Variants in ABCC5 observed in about 807,000 individuals in gnomAD.
The protein encoded by ABCC5 is ATP binding cassette subfamily C member 5.
Under a neutral mutation model 160.9 loss-of-function variants are expected in ABCC5, and 61 were observed. That is an observed-to-expected ratio of 0.38 (90% CI 0.31 to 0.47). The LOEUF (loss-of-function observed/expected upper bound fraction) is 0.47. ABCC5 is among the 20% of genes least tolerant of loss of function. The probability of loss-of-function intolerance (pLI) is 0.99; values close to 1 mark genes in which losing one functional copy is unlikely to be tolerated. For synonymous variants in ABCC5, 666 were observed against 700.6 expected, an observed-to-expected ratio of 0.95 and a Z score of 0.78; for missense variants, 1,308 against 1,813.3, an observed-to-expected ratio of 0.72 and a Z score of 5.06.
intron 11 of ABCC5, among the ~76,000 whole-genome samples, chr3:183,968,553 A>G (rs1717440481): frequency 6.6e-6 from 1 of 152,222 alleles, no homozygotes; most frequent in Non-Finnish European, 1.5e-5. Context: ...CATGCAAAAC[A>G]TTTCCAAAAA....
chr3:183,922,267 G>T (rs1712073691), intron 29 of ABCC5, among the ~76,000 whole-genome samples: 1 of 152,316 alleles, frequency 6.6e-6, no homozygotes, highest in Non-Finnish European at 1.5e-5. Flanking sequence ...AGCTACTGGG[G>T]AGTCTGAGGC....
chr3:184,004,660 C>T (rs543414465), intron 2 of ABCC5, among the ~76,000 whole-genome samples: 4 of 152,206 alleles, frequency 2.6e-5, no homozygotes, highest in South Asian at 4.2e-4. Flanking sequence ...TGCTGATCAC[C>T]GTGAGAAGCA....
At chr3:184,004,152 T>C (rs1002731756) in intron 2 of ABCC5, among the ~76,000 whole-genome samples, 19 of 150,866 alleles carry the variant, frequency 1.3e-4, no homozygotes, top group African/African-American at 4.6e-4. Context: ...ATTTAGAGAG[T>C]TGTGAATATT....
intron 2 of ABCC5, among the ~76,000 whole-genome samples, chr3:183,994,086 C>T (rs1720032187): frequency 6.6e-6 from 1 of 151,756 alleles, no homozygotes; most frequent in Admixed American, 6.6e-5. Context: ...GCCTCAGCCT[C>T]CCAAGTAGCT....
At chr3:184,014,879 T>G (rs940505992) in intron 1 of ABCC5, among the ~76,000 whole-genome samples, 2 of 152,160 alleles carry the variant, frequency 1.3e-5, no homozygotes, top group Non-Finnish European at 2.9e-5. Context: ...TTTTACTAAA[T>G]AAAAACTTAC....
chr3:183,939,847 G>C (rs995767925), intron 25 of ABCC5, among the ~76,000 whole-genome samples: 1 of 152,108 alleles, frequency 6.6e-6, no homozygotes, highest in African/African-American at 2.4e-5. Context: ...CCTGGTTCTT[G>C]ACCCTCCTAC....
At chr3:183,983,692 G>C in intron 5 of ABCC5, 1 of 976,736 alleles carries the variant, frequency 1.0e-6, no homozygotes, top group Non-Finnish European at 1.2e-6. Context: ...CTGAGGTCCT[G>C]CAACGCCGGA....
chr3:184,009,160 C>A (rs1721482078), intron 2 of ABCC5, among the ~76,000 whole-genome samples: 1 of 152,274 alleles, frequency 6.6e-6, no homozygotes, highest in Non-Finnish European at 1.5e-5. Flanking sequence ...GCACCAGCAG[C>A]ACAGGTCTCC....
At chr3:183,958,417 C>A (rs955301621) in intron 17 of ABCC5, among the ~76,000 whole-genome samples, 2 of 152,150 alleles carry the variant, frequency 1.3e-5, no homozygotes, top group African/African-American at 2.4e-5. Flanking sequence ...TACAGAAGAA[C>A]ATATGTTTGC....
chr3:183,936,556 A>G (rs1713739304), intron 26 of ABCC5, among the ~76,000 whole-genome samples: 1 of 151,152 alleles, frequency 6.6e-6, no homozygotes, highest in African/African-American at 2.4e-5. Flanking sequence ...CACCCTGGCT[A>G]CAGTGCAGTG....
In ABCC5 at chr3:183,920,187, C is replaced by T. The variant is rs532761265; in HGVS notation, c.*1113G>A. On this transcript the variant is annotated 3_prime_UTR_variant, in exon 30 of 30. Transcript: ENST00000334444. This position sits in a 1 kb window ranked among gnomAD's most constrained non-coding sequence, Gnocchi z 4.1. ...TCTCTTTACAGTACAAAAACTTCTA[C>T]GCCAGTGTGAGACACTGATTAGCAA... 3 of 152,652 alleles carry T rather than the reference C, an allele frequency of 2.0e-5. No homozygotes were observed. The highest frequency in any genetic ancestry group is 2.9e-5 in the Non-Finnish European group (2 of 68,068). The allele number at this position is 152,652 out of a possible 1,614,324, so 9.5% of individuals were successfully genotyped here.
chr3:183,957,991 C>T (rs1716352124), intron 17 of ABCC5, among the ~76,000 whole-genome samples: 1 of 105,190 alleles, frequency 9.5e-6, no homozygotes, highest in Non-Finnish European at 2.1e-5. Context: ...TACATCACAT[C>T]GGTTACATGC....
chr3:183,933,423 G>C (rs1355319316), intron 26 of ABCC5, among the ~76,000 whole-genome samples: 2 of 152,136 alleles, frequency 1.3e-5, no homozygotes, highest in Non-Finnish European at 2.9e-5. Flanking sequence ...GCGGGGGATA[G>C]GACAGAGGCC....
intron 2 of ABCC5, among the ~76,000 whole-genome samples, chr3:184,000,270 G>C (rs912351177): frequency 1.3e-5 from 2 of 151,818 alleles, no homozygotes; most frequent in African/African-American, 4.8e-5. Context: ...CTTGAGCCAG[G>C]ACCATCGGGC....
chr3:183,953,358 A>AC, intron 17 of ABCC5, 88 bp from the exon 18 acceptor site: 5 of 1,224,300 alleles, frequency 4.1e-6, no homozygotes, highest in Non-Finnish European at 5.6e-6. Context: ...GAATCGGACA[A>AC]CCGGCAGCTT....
At chr3:183,983,833 C>A in intron 5 of ABCC5, 6 of 985,420 alleles carry the variant, frequency 6.1e-6, no homozygotes, top group Non-Finnish European at 7.2e-6. Flanking sequence ...CACTGTACAG[C>A]AGGTGAAGCA....
chr3:183,983,300 T>C (rs755769007), intron 5 of ABCC5: 30 of 427,694 alleles, frequency 7.0e-5, no homozygotes, highest in Non-Finnish European at 1.2e-4. Flanking sequence ...TCTAAACACA[T>C]GGTCATTCAA....
rs41266247 is a variant in ABCC5, at chr3:183,988,059, C to T, written c.444-142G>A. On this transcript the variant is annotated intron_variant, in intron 4 of 29. Coordinates refer to ENST00000334444, the MANE Select transcript of ABCC5 (RefSeq NM_005688.4). This position sits in a 1 kb window ranked among gnomAD's most constrained non-coding sequence, Gnocchi z 4.4. ...TTTAAAATTATGTACATAGTCTTCA[C>T]CTTCTGGGAAAAAATACCCTTCCTA... 2.2e-5 allele frequency: 20 copies of T among 896,490 alleles called. No individual in the cohort carries two copies. Among genetic ancestry groups the T allele is most frequent in the Non-Finnish European group, 3.2e-5 (19 of 594,178 alleles). The allele number at this position is 896,490 out of a possible 1,614,324, so 55.5% of individuals were successfully genotyped here. A position where few individuals can be genotyped will look rare whatever the true frequency, so the allele number is the denominator to read the frequency against.
At chr3:183,929,085 T>A (rs56110211) in intron 26 of ABCC5, among the ~76,000 whole-genome samples, 31,902 of 152,204 alleles carry the variant, frequency 0.21, 4,343 homozygotes, top group Middle Eastern at 0.32. Flanking sequence ...AATTTATAAA[T>A]GCAAATATCG....
Sources: gnomAD v4.1 joint callset for allele counts (sites outside exome capture counted in the v4.1 genomes callset) on GRCh38, gnomAD v4.1.1 for gene constraint, Gnocchi (gnomAD v3.1) non-coding constraint, MANE v1.5 for transcripts, NCBI Gene and HGNC (gene_info 2026-07-23, HGNC 2026-07-21) for gene names.